The following DNAH7 variants were observed in gnomAD, a reference collection of about 807,000 sequenced individuals.
DNAH7 encodes dynein axonemal heavy chain 7, also known as axonemal beta dynein heavy chain 7.
DNAH7 carries 397 observed loss-of-function variants against 444.6 expected under a neutral mutation model. The observed-to-expected ratio is 0.89, with a 90% CI of 0.82 to 0.97. The LOEUF (loss-of-function observed/expected upper bound fraction) is 0.97. Ranked by LOEUF, DNAH7 falls within the 50% of genes least tolerant of loss-of-function variation. The probability of loss-of-function intolerance (pLI) is 0.00; values close to 1 mark genes in which losing one functional copy is unlikely to be tolerated. For synonymous variants in DNAH7, 1,636 were observed against 1,624.4 expected (o/e 1.01, Z -0.17); for missense variants, 4,902 against 4,800.8 (o/e 1.02, Z -0.62).
intron 3 of DNAH7, among the ~76,000 whole-genome samples, chr2:196,048,963 C>T (rs1575102162): frequency 6.6e-6 from 1 of 152,294 alleles, no homozygotes; most frequent in East Asian, 1.9e-4. Context: ...AGGACTGTGG[C>T]AGAGGAGAGA....
chr2:195,937,000 A>C (rs910473155), intron 19 of DNAH7, among the ~76,000 whole-genome samples: 7 of 152,112 alleles, frequency 4.6e-5, no homozygotes, highest in Non-Finnish European at 8.8e-5. Flanking sequence ...TTTAATCCTC[A>C]GCCCTGTTCA....
chr2:196,056,183 G>A (rs1344074270), intron 2 of DNAH7, among the ~76,000 whole-genome samples: 2 of 152,080 alleles, frequency 1.3e-5, no homozygotes, highest in Non-Finnish European at 2.9e-5. Flanking sequence ...AGTGGTTCAC[G>A]CCTGTAATCC....
At chr2:196,042,369 A>T (rs1206605808) in intron 5 of DNAH7, among the ~76,000 whole-genome samples, 1 of 152,082 alleles carries the variant, frequency 6.6e-6, no homozygotes, top group Non-Finnish European at 1.5e-5. Context: ...GAAATATTAC[A>T]TGTATCCCAT....
intron 15 of DNAH7, among the ~76,000 whole-genome samples, chr2:195,983,755 A>C (rs1418562845): frequency 2.6e-5 from 4 of 152,226 alleles, no homozygotes; most frequent in African/African-American, 9.6e-5. Flanking sequence ...TTCTATGCCT[A>C]AATATAGCTC....
chr2:195,876,532 A>G lies in DNAH7; in HGVS notation c.6117+12T>C, dbSNP rs193129200. ...TATGAATAGGCCCGGGTACTGTACAAAGAGTCATTACCATTCTCTTGCCCA... is the reference window on the plus strand; with the variant it reads ...TATGAATAGGCCCGGGTACTGTACAGAGAGTCATTACCATTCTCTTGCCCA... On this transcript the variant is annotated intron_variant, in intron 37 of 64. Transcript: ENST00000312428. The G allele has an allele frequency of 6.2e-7, 1 of 1,613,098 alleles. No homozygotes were observed. The highest frequency in any genetic ancestry group is 1.3e-5 in the African/African-American group (1 of 74,990).
rs1415544473 is a variant in DNAH7 at position 195,816,904 on chromosome 2, A to AT, written c.9484dup (p.Ile3162AsnfsTer5). 6.2e-7 allele frequency: 1 copy of AT among 1,613,016 alleles called. No individual in the cohort carries two copies. The highest frequency in any genetic ancestry group is 8.5e-7 in the Non-Finnish European group (1 of 1,179,626). ...CTTAATAGCAGTTTCATCTTCTAATATATTGCCTTCCGAAGATGAAAGAAC... is the reference window on the plus strand; with the variant it reads ...CTTAATAGCAGTTTCATCTTCTAATATTATTGCCTTCCGAAGATGAAAGAAC... On this transcript the variant is annotated frameshift_variant, in exon 51 of 65. Coordinates refer to ENST00000312428, the MANE Select transcript of DNAH7 (RefSeq NM_018897.3). LOFTEE classifies it high-confidence loss of function.
intron 61 of DNAH7, among the ~76,000 whole-genome samples, chr2:195,763,233 G>A (rs1694429273): frequency 6.6e-6 from 1 of 152,088 alleles, no homozygotes; most frequent in Non-Finnish European, 1.5e-5. Flanking sequence ...GATGTTTATA[G>A]TTTAAGTGTT....
At chr2:195,888,776 AG>A in intron 32 of DNAH7, 22 bp downstream of exon 32, 1 of 1,594,706 alleles carries the variant, frequency 6.3e-7, no homozygotes, top group Non-Finnish European at 8.5e-7. Context: ...ATTTATAAAA[AG>A]ATGTCAAAAT....
chr2:195,819,000 C>T (rs867242702), intron 49 of DNAH7, among the ~76,000 whole-genome samples: 1 of 152,034 alleles, frequency 6.6e-6, no homozygotes, highest in Non-Finnish European at 1.5e-5. Flanking sequence ...CCTCCCACTA[C>T]TCCCATTCAC....
In DNAH7 at chr2:195,809,888, A is replaced by G; in HGVS notation, c.9762-17T>C. On this transcript the variant is annotated splice_polypyrimidine_tract_variant and intron_variant, in intron 51 of 64. Transcript: ENST00000312428. Reference sequence around the variant, plus strand: ...ATCTGAAGCCTAAGGGTCAACAGAAAATAAAGGAAATAAATAAAAATATAC... The same window carrying G: ...ATCTGAAGCCTAAGGGTCAACAGAAGATAAAGGAAATAAATAAAAATATAC... The G allele has an allele frequency of 6.7e-7, 1 of 1,485,424 alleles. No homozygotes were observed. The highest frequency in any genetic ancestry group is 2.5e-5 in the East Asian group (1 of 40,312). 92.0% of individuals were successfully genotyped at this position (1,485,424 alleles called of 1,614,324 possible).
At chr2:195,759,694 TAAAAA>T (rs1361275770) in intron 61 of DNAH7, among the ~76,000 whole-genome samples, 1 of 151,880 alleles carries the variant, frequency 6.6e-6, no homozygotes, top group Non-Finnish European at 1.5e-5. Flanking sequence ...CTACAAAAAA[TAAAAA>T]AATTAGCTGG....
intron 40 of DNAH7, among the ~76,000 whole-genome samples, chr2:195,870,361 G>T (rs921234368): frequency 6.6e-6 from 1 of 152,060 alleles, no homozygotes; most frequent in Non-Finnish European, 1.5e-5. Context: ...GCATGAAAAG[G>T]GGGTATTTCA....
intron 8 of DNAH7, among the ~76,000 whole-genome samples, chr2:196,023,614 G>A (rs149241006): frequency 9.7e-4 from 147 of 152,276 alleles, no homozygotes; most frequent in African/African-American, 2.3e-3. Flanking sequence ...GAAATGTCAT[G>A]GCTGGTTTGA....
chr2:196,001,670 C>A lies in DNAH7; in HGVS notation c.1173+5G>T. On this transcript the variant is annotated splice_donor_5th_base_variant and intron_variant, in intron 11 of 64. Coordinates refer to ENST00000312428, the MANE Select transcript of DNAH7 (RefSeq NM_018897.3). ...ATACATATTGGTGAACTGAACCATA[C>A]TTACTGGGGGTTGTGCAATTAAGTC... 6.5e-7 allele frequency: 1 copy of A among 1,535,882 alleles called. No individual in the cohort carries two copies. The highest frequency in any genetic ancestry group is 8.8e-7 in the Non-Finnish European group (1 of 1,141,824).
chr2:195,888,684 C>T (rs150418102), intron 32 of DNAH7, 115 bp downstream of exon 32: 14 of 1,113,272 alleles, frequency 1.3e-5, no homozygotes, highest in East Asian at 2.6e-5. Context: ...AATCACAGAT[C>T]GCTCTTAAAA....
intron 1 of DNAH7, among the ~76,000 whole-genome samples, chr2:196,058,468 C>G (rs1468717242): frequency 6.6e-6 from 1 of 152,196 alleles, no homozygotes; most frequent in Non-Finnish European, 1.5e-5. Context: ...ATGTGTCTCT[C>G]CACGTGTTTT....
intron 61 of DNAH7, among the ~76,000 whole-genome samples, chr2:195,763,258 G>A (rs1694430106): frequency 1.3e-5 from 2 of 152,024 alleles, no homozygotes; most frequent in Non-Finnish European, 1.5e-5. Flanking sequence ...AACTATGTTT[G>A]TAGTTTAAGT....
chr2:195,953,773 C>T (rs1408124469), intron 19 of DNAH7, among the ~76,000 whole-genome samples: 1 of 152,180 alleles, frequency 6.6e-6, no homozygotes, highest in African/African-American at 2.4e-5. Flanking sequence ...TATTTACATC[C>T]TATTTTCAAC....
chr2:195,907,129 G>A (rs950087545), intron 25 of DNAH7, 120 bp from the exon 26 acceptor site: 11 of 702,026 alleles, frequency 1.6e-5, no homozygotes, highest in African/African-American at 5.5e-5. Flanking sequence ...TTGCTTATTC[G>A]CCTTTATCTT....
Sources: gnomAD v4.1 joint callset for allele counts (sites outside exome capture counted in the v4.1 genomes callset) on GRCh38, gnomAD v4.1.1 for gene constraint, MANE v1.5 for transcripts, NCBI Gene and HGNC (gene_info 2026-07-23, HGNC 2026-07-21) for gene names.